B3GAT2: variants seen among roughly 807,000 people sequenced by gnomAD.
B3GAT2 encodes the protein beta-1,3-glucuronyltransferase 2.
B3GAT2 carries 26 observed loss-of-function variants against 27.8 expected under a neutral mutation model. The ratio of observed to expected loss-of-function variants is 0.93; its 90% CI spans 0.68 to 1.30. The LOEUF is 1.30. B3GAT2 is among the 50% of genes most tolerant of loss of function. The pLI, the probability that B3GAT2 is intolerant of heterozygous loss-of-function variation, is 0.00. For missense variants in B3GAT2, 458 were observed against 459.0 expected, an observed-to-expected ratio of 1.00 and a Z score of 0.02; for synonymous variants, 218 against 195.1, an observed-to-expected ratio of 1.12 and a Z score of -0.98.
At chr6:70,906,158 C>T (rs1413999159) in intron 1 of B3GAT2, among the ~76,000 whole-genome samples, 4 of 152,150 alleles carry the variant, frequency 2.6e-5, no homozygotes, top group Admixed American at 1.3e-4. Flanking sequence ...CGAAAACCAA[C>T]GATCTATCTC....
chr6:70,856,706 G>T lies in B3GAT2; in HGVS notation c.*4957C>A. ...ATTGTAGATGTTTTTATATGGGCTT[G>T]GGCTTGTAAGTGATCCTCTTGAATG... On this transcript the variant is annotated 3_prime_UTR_variant, in exon 4 of 4. Transcript: ENST00000230053. The T allele has an allele frequency of 3.1e-6, 2 of 641,760 alleles. No individual in the cohort carries two copies. The highest frequency in any genetic ancestry group is 5.1e-6 in the Non-Finnish European group (2 of 392,628). The allele number at this position is 641,760 out of a possible 1,614,324, so 39.8% of individuals were successfully genotyped here. A position where few individuals can be genotyped will look rare whatever the true frequency, so the allele number is the denominator to read the frequency against.
intron 1 of B3GAT2, among the ~76,000 whole-genome samples, chr6:70,933,458 ACT>A (rs1269443383): frequency 3.3e-5 from 5 of 152,096 alleles, no homozygotes; most frequent in Admixed American, 2.6e-4. Context: ...AGCCCCAAAT[ACT>A]CTGATGACTG....
At chr6:70,943,557 T>C (rs1296813866) in intron 1 of B3GAT2, among the ~76,000 whole-genome samples, 1 of 152,220 alleles carries the variant, frequency 6.6e-6, no homozygotes. Context: ...GATACACGCC[T>C]AGGAGACAGA....
chr6:70,902,192 T>A (rs1048857011), intron 1 of B3GAT2, among the ~76,000 whole-genome samples: 1 of 152,132 alleles, frequency 6.6e-6, no homozygotes, highest in Non-Finnish European at 1.5e-5. Context: ...AATACATAGA[T>A]AAATGGAAGA....
In B3GAT2 at chr6:70,858,382, A is replaced by AATATT; in HGVS notation, c.*3276_*3280dup. On this transcript the variant is annotated 3_prime_UTR_variant, in exon 4 of 4. Transcript: ENST00000230053. ...TGTTATAGGGTCAAAAGTATCTATA[A>AATATT]ATATTATGAAGTTGTATCAGATAGA... 1.6e-6 allele frequency: 1 copy of AATATT among 628,758 alleles called. No individual in the cohort carries two copies. Among genetic ancestry groups the AATATT allele is most frequent in the East Asian group, 3.0e-5 (1 of 33,258 alleles). The allele number at this position is 628,758 out of a possible 1,614,324, so 38.9% of individuals were successfully genotyped here.
At chr6:70,884,118 A>C (rs903597754) in intron 2 of B3GAT2, among the ~76,000 whole-genome samples, 1 of 151,428 alleles carries the variant, frequency 6.6e-6, no homozygotes, top group African/African-American at 2.4e-5. Context: ...AAAAAACAAA[A>C]AAAACCCGCA....
chr6:70,919,884 G>A lies in B3GAT2; in HGVS notation c.592-25612C>T, dbSNP rs112161699. 1.3e-3 allele frequency among the ~76,000 whole-genome samples: 197 copies of A among 152,298 alleles called. 1 individual carries two copies. Among genetic ancestry groups the A allele is most frequent in the African/African-American group, 4.5e-3 (185 of 41,560 alleles). ...ACCCACTTGAGGAGGTAGTCTGTCC[G>A]TTATCAGAGCTTGAACGCCCCCGTG... is the stretch of plus-strand genomic sequence containing the variant. On this transcript the variant is annotated intron_variant, in intron 1 of 3. Transcript: ENST00000230053.
At chr6:70,864,655 GCATGTTAACTAGGT>G (rs1771820397) in intron 2 of B3GAT2, among the ~76,000 whole-genome samples, 1 of 152,174 alleles carries the variant, frequency 6.6e-6, no homozygotes, top group Non-Finnish European at 1.5e-5. Flanking sequence ...AGGAGAGACT[GCATGTTAACTAGGT>G]CAACCCCTGG....
intron 1 of B3GAT2, among the ~76,000 whole-genome samples, chr6:70,925,520 TC>T (rs1170628766): frequency 6.6e-6 from 1 of 152,214 alleles, no homozygotes; most frequent in African/African-American, 2.4e-5. Flanking sequence ...GCTCGGCGGT[TC>T]CCACACCTAT....
chr6:70,897,537 G>A (rs985943590), intron 1 of B3GAT2, among the ~76,000 whole-genome samples: 8 of 150,788 alleles, frequency 5.3e-5, no homozygotes, highest in African/African-American at 9.7e-5. Flanking sequence ...TCAGGAGTTC[G>A]AGACCAGCCT....
intron 2 of B3GAT2, among the ~76,000 whole-genome samples, chr6:70,883,691 G>A (rs1329676245): frequency 6.6e-6 from 1 of 152,164 alleles, no homozygotes; most frequent in Non-Finnish European, 1.5e-5. Context: ...CCACTGAACT[G>A]TCCACTTCAA....
rs373530810 is a variant in B3GAT2 at position 70,956,022 on chromosome 6, G to A, written c.408C>T (p.Pro136=). 11 of 1,531,348 alleles carry A rather than the reference G, an allele frequency of 7.2e-6. No individual in the cohort carries two copies. Among genetic ancestry groups the A allele is most frequent in the Non-Finnish European group, 9.6e-6 (11 of 1,147,096 alleles). 94.9% of individuals were successfully genotyped at this position (1,531,348 alleles called of 1,614,324 possible). A position where few individuals can be genotyped will look rare whatever the true frequency, so the allele number is the denominator to read the frequency against. Residue 136 remains proline (P), a synonymous_variant, in exon 1 of 4, where the codon CCC becomes CCT. Transcript: ENST00000230053. ...VSRFLARAGL[P]STHLHVPTPR... is the part of the protein sequence containing the mutation. ...GCGTGGGCACGTGCAGGTGAGTGCTGGGCAGCCCGGCCCGCGCCAGGAAGC... is the reference window on the plus strand; with the variant it reads ...GCGTGGGCACGTGCAGGTGAGTGCTAGGCAGCCCGGCCCGCGCCAGGAAGC...
Position 70,932,393 on chromosome 6 carries a change from C to T in B3GAT2, c.591+23446G>A, listed in dbSNP as rs77977180. ...CAATAGGTAAAATGTGAAAGCAACACAACTTCCTATCAAGAGATGAATGGA... is the reference window on the plus strand; with the variant it reads ...CAATAGGTAAAATGTGAAAGCAACATAACTTCCTATCAAGAGATGAATGGA... On this transcript the variant is annotated intron_variant, in intron 1 of 3. Coordinates refer to ENST00000230053, the MANE Select transcript of B3GAT2 (RefSeq NM_080742.3). Among the ~76,000 whole-genome samples the T allele has an allele frequency of 9.3e-3, 1,419 of 152,230 alleles. 11 individuals carry two copies. Among genetic ancestry groups the T allele is most frequent in the Middle Eastern group, 0.048 (14 of 294 alleles).
intron 1 of B3GAT2, among the ~76,000 whole-genome samples, chr6:70,934,854 C>T (rs915196363): frequency 6.6e-6 from 1 of 152,142 alleles, no homozygotes; most frequent in Non-Finnish European, 1.5e-5. Context: ...CCATCCATGT[C>T]ACTAAGAAAT....
intron 2 of B3GAT2, among the ~76,000 whole-genome samples, chr6:70,879,465 T>C (rs1332311616): frequency 2.0e-5 from 3 of 148,598 alleles, no homozygotes; most frequent in South Asian, 4.2e-4. Context: ...CCTGGCACAG[T>C]TGTTCTAAAC....
chr6:70,944,252 C>A (rs1403508218), intron 1 of B3GAT2, among the ~76,000 whole-genome samples: 1 of 152,100 alleles, frequency 6.6e-6, no homozygotes, highest in Non-Finnish European at 1.5e-5. Context: ...ACACCGTGCC[C>A]AAGCGAAAGC....
chr6:70,861,468 C>T lies in B3GAT2; in HGVS notation c.*195G>A. On this transcript the variant is annotated 3_prime_UTR_variant, in exon 4 of 4. Coordinates refer to ENST00000230053, the MANE Select transcript of B3GAT2 (RefSeq NM_080742.3). ...GCAGAACAAATGAAGACAAAACATA[C>T]ATTTTGTACCAACCATCCAATTAGC... 1.7e-6 allele frequency: 1 copy of T among 579,054 alleles called. No homozygotes were observed. Among genetic ancestry groups the T allele is most frequent in the East Asian group, 2.9e-5 (1 of 35,008 alleles). 35.9% of individuals were successfully genotyped at this position (579,054 alleles called of 1,614,324 possible). A position where few individuals can be genotyped will look rare whatever the true frequency, so the allele number is the denominator to read the frequency against.
chr6:70,913,392 G>A (rs536414529), intron 1 of B3GAT2, among the ~76,000 whole-genome samples: 11 of 152,132 alleles, frequency 7.2e-5, no homozygotes, highest in East Asian at 3.9e-4. Context: ...AGATATTTTC[G>A]TATATTTTAT....
chr6:70,955,909 T>TG lies in B3GAT2; in HGVS notation c.520dup (p.Gln174ProfsTer12). ...GAAGAGCACGCCGGGCTGCGCGCGCTGGTGCTGGTGCCTCTGGCGCAGCCA... is the reference window on the plus strand; with the variant it reads ...GAAGAGCACGCCGGGCTGCGCGCGCTGGGTGCTGGTGCCTCTGGCGCAGCCA... On this transcript the variant is annotated frameshift_variant, in exon 1 of 4. Transcript: ENST00000230053. LOFTEE classifies it high-confidence loss of function. 6.2e-7 allele frequency: 1 copy of TG among 1,600,880 alleles called. No individual in the cohort carries two copies. Among genetic ancestry groups the TG allele is most frequent in the South Asian group, 1.1e-5 (1 of 89,846 alleles).
Sources: allele counts gnomAD v4.1 joint callset (sites outside exome capture counted in the v4.1 genomes callset), GRCh38; gene constraint gnomAD v4.1.1; transcripts MANE v1.5; gene names NCBI Gene and HGNC (gene_info 2026-07-23, HGNC 2026-07-21).